SMYD3: variants seen among roughly 807,000 people sequenced by gnomAD.
The protein encoded by SMYD3 is SET and MYND domain containing 3.
A neutral mutation model predicts 57.7 loss-of-function variants in SMYD3; 36 were observed. The ratio of observed to expected loss-of-function variants is 0.62; its 90% CI spans 0.48 to 0.82. The LOEUF (loss-of-function observed/expected upper bound fraction) is 0.82, where lower values mean the gene tolerates loss of function less well. Among genes scored for constraint, SMYD3 ranks in the 40% least tolerant of loss-of-function variants. SMYD3 has a pLI of 0.00. For synonymous variants in SMYD3, 211 were observed against 195.0 expected (o/e 1.08, Z -0.68); for missense variants, 515 against 538.8 (o/e 0.96, Z 0.44).
chr1:246,269,106 A>G (rs1026350250), intron 5 of SMYD3, among the ~76,000 whole-genome samples: 4 of 152,204 alleles, frequency 2.6e-5, no homozygotes, highest in Non-Finnish European at 2.9e-5. Flanking sequence ...ATCCCACTGT[A>G]ATCCCACCAT....
intron 5 of SMYD3, among the ~76,000 whole-genome samples, chr1:246,286,493 A>C (rs1479454420): frequency 6.6e-6 from 1 of 152,232 alleles, no homozygotes; most frequent in Non-Finnish European, 1.5e-5. Flanking sequence ...AAAATTCCTG[A>C]GTATAACACA....
chr1:245,770,899 T>G (rs1180365900), intron 10 of SMYD3, among the ~76,000 whole-genome samples: 1 of 152,142 alleles, frequency 6.6e-6, no homozygotes, highest in Non-Finnish European at 1.5e-5. Flanking sequence ...AGGAAAGAAT[T>G]AGTGAACTGC....
intron 1 of SMYD3, among the ~76,000 whole-genome samples, chr1:246,488,680 C>T (rs1241485570): frequency 3.9e-5 from 6 of 152,000 alleles, no homozygotes; most frequent in Admixed American, 6.5e-5. Flanking sequence ...AGTGAGACTC[C>T]GTCTCAAAAG....
intron 5 of SMYD3, among the ~76,000 whole-genome samples, chr1:246,072,571 T>C (rs2060476854): frequency 6.6e-6 from 1 of 152,204 alleles, no homozygotes. Flanking sequence ...GGGGTAGACT[T>C]GTAGACTTAA....
intron 5 of SMYD3, among the ~76,000 whole-genome samples, chr1:245,943,323 A>C (rs907777108): frequency 1.3e-5 from 2 of 152,046 alleles, no homozygotes; most frequent in Non-Finnish European, 2.9e-5. Context: ...CTGATCCCAC[A>C]GATATACAAC....
intron 5 of SMYD3, among the ~76,000 whole-genome samples, chr1:246,048,219 G>C (rs1381170781): frequency 6.6e-6 from 1 of 152,206 alleles, no homozygotes; most frequent in Admixed American, 6.5e-5. Context: ...TATTTACCCA[G>C]TAGATTGGAA....
At chr1:246,310,948 G>A (rs940385441) in intron 5 of SMYD3, among the ~76,000 whole-genome samples, 1 of 151,918 alleles carries the variant, frequency 6.6e-6, no homozygotes, top group Non-Finnish European at 1.5e-5. Context: ...GATTACAGGC[G>A]TGACCCACCA....
intron 5 of SMYD3, among the ~76,000 whole-genome samples, chr1:246,225,214 G>A (rs2063310198): frequency 2.0e-5 from 3 of 150,110 alleles, no homozygotes; most frequent in South Asian, 2.1e-4. Flanking sequence ...ATCAACAGCC[G>A]TCAAAAGATG....
At chr1:246,195,565 T>C (rs775061369) in intron 5 of SMYD3, among the ~76,000 whole-genome samples, 14 of 152,130 alleles carry the variant, frequency 9.2e-5, no homozygotes, top group Non-Finnish European at 1.6e-4. Context: ...TATGACATGT[T>C]GCTGAAGGAA....
chr1:246,420,919 T>G (rs1453743480), intron 1 of SMYD3, among the ~76,000 whole-genome samples: 3 of 152,210 alleles, frequency 2.0e-5, no homozygotes, highest in African/African-American at 7.2e-5. Flanking sequence ...GTATGACTAT[T>G]TTTATAAGAC....
intron 5 of SMYD3, among the ~76,000 whole-genome samples, chr1:245,957,938 T>G (rs1398914469): frequency 6.6e-6 from 1 of 152,064 alleles, no homozygotes; most frequent in Non-Finnish European, 1.5e-5. Flanking sequence ...ACAGAATTCT[T>G]GCAAGAAAAT....
chr1:246,088,734 A>G (rs2060770790), intron 5 of SMYD3, among the ~76,000 whole-genome samples: 1 of 152,182 alleles, frequency 6.6e-6, no homozygotes, highest in Non-Finnish European at 1.5e-5. Context: ...TCAGTACAAT[A>G]TCCCCAAAAG....
chr1:246,435,853 A>G (rs572260874), intron 1 of SMYD3, among the ~76,000 whole-genome samples: 18 of 152,274 alleles, frequency 1.2e-4, no homozygotes, highest in African/African-American at 4.1e-4. Context: ...ATGAAGCTAC[A>G]TTAATTAGAA....
chr1:246,328,588 T>C (rs2065397515), intron 4 of SMYD3, among the ~76,000 whole-genome samples: 1 of 152,158 alleles, frequency 6.6e-6, no homozygotes, highest in South Asian at 2.1e-4. Flanking sequence ...TTTAGATTAC[T>C]TATTCAACAG....
At chr1:245,962,756 T>C (rs1003770269) in intron 5 of SMYD3, among the ~76,000 whole-genome samples, 1 of 131,614 alleles carries the variant, frequency 7.6e-6, no homozygotes, top group African/African-American at 2.5e-5. Context: ...GAAACATCCA[T>C]AGAGGAGAAA....
At chr1:246,276,527 G>A (rs1283790662) in intron 5 of SMYD3, among the ~76,000 whole-genome samples, 4 of 147,616 alleles carry the variant, frequency 2.7e-5, no homozygotes, top group South Asian at 2.2e-4. Flanking sequence ...TTTTTTACTA[G>A]CCGTATTAAC....
chr1:246,229,478 A>C (rs557666626), intron 5 of SMYD3, among the ~76,000 whole-genome samples: 116 of 150,352 alleles, frequency 7.7e-4, no homozygotes, highest in African/African-American at 2.8e-3. Context: ...AGAAGGATAA[A>C]GTTTACAATT....
At chr1:246,258,144 C>A (rs543024323) in intron 5 of SMYD3, among the ~76,000 whole-genome samples, 16 of 152,322 alleles carry the variant, frequency 1.1e-4, no homozygotes, top group African/African-American at 3.8e-4. Context: ...TCAAGCAATT[C>A]TCCTGCCTCA....
rs373209578 is a variant in SMYD3 at position 245,961,675 on chromosome 1, C to G, written c.532-31738G>C. 3.0e-4 allele frequency among the ~76,000 whole-genome samples: 46 copies of G among 152,166 alleles called. No homozygotes were observed. The East Asian group carries it at 7.0e-3, about 23-fold the overall frequency. ...CATCCTAGATGTTAAGATGTGTAGC[C>G]TAGGACAGTGGTTTTCACACAGTGC... On this transcript the variant is annotated intron_variant, in intron 5 of 11. Transcript: ENST00000490107.
Sources: gnomAD v4.1 joint callset for allele counts (sites outside exome capture counted in the v4.1 genomes callset) on GRCh38, gnomAD v4.1.1 for gene constraint, MANE v1.5 for transcripts, NCBI Gene and HGNC (gene_info 2026-07-23, HGNC 2026-07-21) for gene names.